The following MACROD2 variants were observed in gnomAD, a reference collection of about 807,000 sequenced individuals.
MACROD2 encodes the protein ADP-ribose glycohydrolase MACROD2.
Under a neutral mutation model 70.4 loss-of-function variants are expected in MACROD2, and 36 were observed. The ratio of observed to expected loss-of-function variants is 0.51; its 90% CI spans 0.39 to 0.68. MACROD2 has a LOEUF of 0.68. Ranked by LOEUF, MACROD2 falls within the 30% of genes least tolerant of loss-of-function variation. The pLI is 0.00. For synonymous variants in MACROD2, 172 were observed against 178.8 expected, an observed-to-expected ratio of 0.96 and a Z score of 0.30; for missense variants, 496 against 538.4, an observed-to-expected ratio of 0.92 and a Z score of 0.78.
intron 3 of MACROD2, among the ~76,000 whole-genome samples, chr20:14,180,289 C>G (rs937586169): frequency 6.6e-6 from 1 of 151,994 alleles, no homozygotes; most frequent in African/African-American, 2.4e-5. Flanking sequence ...ATATGACCCC[C>G]ACAGGTTTAA....
At chr20:14,855,446 A>G (rs2073243694) in intron 5 of MACROD2, among the ~76,000 whole-genome samples, 1 of 152,132 alleles carries the variant, frequency 6.6e-6, no homozygotes, top group Non-Finnish European at 1.5e-5. Flanking sequence ...GTTTCATGGT[A>G]AATTTATCTC....
At chr20:14,884,234 C>T (rs1420486190) in intron 5 of MACROD2, 1 of 152,178 alleles carries the variant, frequency 6.6e-6, no homozygotes, top group Non-Finnish European at 1.5e-5. Flanking sequence ...CTTTTAACAA[C>T]AAACCACCCT....
At chr20:15,419,256 C>A (rs181428443) in intron 6 of MACROD2, among the ~76,000 whole-genome samples, 349 of 152,294 alleles carry the variant, frequency 2.3e-3, no homozygotes, top group South Asian at 4.1e-3. Context: ...GGAATTTGCA[C>A]CCTCCCATTC....
chr20:14,752,025 T>C (rs1172450636), intron 5 of MACROD2, among the ~76,000 whole-genome samples: 1 of 151,844 alleles, frequency 6.6e-6, no homozygotes, highest in Admixed American at 6.6e-5. Flanking sequence ...TGGCTGCCTT[T>C]GTTTAGTTTC....
At chr20:15,464,145 C>T (rs1353057268) in intron 7 of MACROD2, among the ~76,000 whole-genome samples, 1 of 152,200 alleles carries the variant, frequency 6.6e-6, no homozygotes, top group Non-Finnish European at 1.5e-5. Context: ...AGCTCCTAAG[C>T]TCAAGCAATC....
At chr20:14,863,005 T>A (rs1453131434) in intron 5 of MACROD2, among the ~76,000 whole-genome samples, 5 of 151,880 alleles carry the variant, frequency 3.3e-5, no homozygotes. Context: ...ACATTTAGGT[T>A]CACCTTGCAT....
chr20:15,239,912 G>A (rs1223716618), intron 6 of MACROD2, among the ~76,000 whole-genome samples: 3 of 152,202 alleles, frequency 2.0e-5, no homozygotes, highest in African/African-American at 7.2e-5. Flanking sequence ...GTTTGAACAA[G>A]GGAGCATGGC....
At chr20:14,595,458 G>C (rs957654483) in intron 4 of MACROD2, among the ~76,000 whole-genome samples, 2 of 152,136 alleles carry the variant, frequency 1.3e-5, no homozygotes, top group Non-Finnish European at 2.9e-5. Flanking sequence ...ACTCCTCCCA[G>C]TGTGTAGCAG....
intron 5 of MACROD2, among the ~76,000 whole-genome samples, chr20:15,036,423 T>C (rs2075313749): frequency 6.6e-6 from 1 of 152,168 alleles, no homozygotes; most frequent in Non-Finnish European, 1.5e-5. Flanking sequence ...GACAAATTAT[T>C]GGTCACAACT....
At chr20:15,943,321 C>T (rs997123932) in intron 12 of MACROD2, among the ~76,000 whole-genome samples, 5 of 152,104 alleles carry the variant, frequency 3.3e-5, no homozygotes, top group African/African-American at 1.2e-4. Flanking sequence ...AAACCAAGGC[C>T]ACCAATGAAT....
At chr20:14,471,787 A>G (rs2084533821) in intron 3 of MACROD2, among the ~76,000 whole-genome samples, 1 of 152,152 alleles carries the variant, frequency 6.6e-6, no homozygotes, top group Non-Finnish European at 1.5e-5. Flanking sequence ...GGGGAAAATT[A>G]TTGAGGGGTA....
At chr20:14,322,492 A>G (rs1276820479) in intron 3 of MACROD2, among the ~76,000 whole-genome samples, 1 of 151,310 alleles carries the variant, frequency 6.6e-6, no homozygotes, top group Non-Finnish European at 1.5e-5. Context: ...TTCTAGCAGA[A>G]CTATAGCTTA....
At chr20:14,178,267 A>T (rs2081279079) in intron 3 of MACROD2, among the ~76,000 whole-genome samples, 1 of 152,216 alleles carries the variant, frequency 6.6e-6, no homozygotes, top group Non-Finnish European at 1.5e-5. Flanking sequence ...CTCTGATTGG[A>T]TCATTATACT....
intron 5 of MACROD2, among the ~76,000 whole-genome samples, chr20:14,781,588 T>G (rs1053734421): frequency 6.6e-6 from 1 of 151,276 alleles, no homozygotes; most frequent in East Asian, 1.9e-4. Context: ...CAGTTATAGC[T>G]TTTTGGGGTA....
At chr20:14,376,751 AAATAATAATAATAATAATAATAATAAT>A (rs6147295) in intron 3 of MACROD2, among the ~76,000 whole-genome samples, 4 of 135,860 alleles carry the variant, frequency 2.9e-5, no homozygotes, top group Non-Finnish European at 3.1e-5. Flanking sequence ...GCCTGTCTCA[AAATAATAATAATAATAATAATAATAAT>A]AATAATAATA....
intron 3 of MACROD2, among the ~76,000 whole-genome samples, chr20:14,222,659 A>T (rs181591758): frequency 3.3e-5 from 5 of 152,240 alleles, no homozygotes; most frequent in Admixed American, 2.0e-4. Context: ...GGCAAATATA[A>T]GCCCATTTTC....
chr20:14,144,191 AT>A (rs753353419), intron 3 of MACROD2, among the ~76,000 whole-genome samples: 8 of 152,092 alleles, frequency 5.3e-5, no homozygotes, highest in Admixed American at 3.9e-4. Context: ...ATAAAGACAT[AT>A]TTTTTTCTAT....
chr20:15,773,015 A>G (rs1026231861), intron 8 of MACROD2, among the ~76,000 whole-genome samples: 1 of 152,108 alleles, frequency 6.6e-6, no homozygotes, highest in Non-Finnish European at 1.5e-5. Flanking sequence ...GAGACAGACC[A>G]TATCAGTGGT....
At chr20:14,874,671 G>GTATT (rs71190161) in intron 5 of MACROD2, among the ~76,000 whole-genome samples, 5,522 of 143,114 alleles carry the variant, frequency 0.039, 127 homozygotes, top group South Asian at 0.061. Context: ...AAAAAAGGTT[G>GTATT]TATTTATTTA....
Sources: gnomAD v4.1 joint callset for allele counts (sites outside exome capture counted in the v4.1 genomes callset) on GRCh38, gnomAD v4.1.1 for gene constraint, MANE v1.5 for transcripts, NCBI Gene and HGNC (gene_info 2026-07-23, HGNC 2026-07-21) for gene names.